Variants in SLC39A11 observed in about 807,000 individuals in gnomAD.
The protein encoded by SLC39A11 is solute carrier family 39 member 11, also known as zinc transporter ZIP11.
A neutral mutation model predicts 36.1 loss-of-function variants in SLC39A11; 33 were observed. The observed-to-expected ratio is 0.91, with a 90% CI of 0.69 to 1.22. SLC39A11 has a LOEUF of 1.22. SLC39A11 is among the 50% of genes most tolerant of loss of function. The pLI, the probability that SLC39A11 is intolerant of heterozygous loss-of-function variation, is 0.00. For synonymous variants in SLC39A11, 166 were observed against 170.3 expected, an observed-to-expected ratio of 0.97 and a Z score of 0.20; for missense variants, 432 against 430.3, an observed-to-expected ratio of 1.00 and a Z score of -0.03.
intron 3 of SLC39A11, chr17:73,068,356 A>G (rs1387515482): frequency 3.8e-6 from 2 of 523,846 alleles, no homozygotes; most frequent in African/African-American, 3.8e-5. Flanking sequence ...AATTATTCTC[A>G]GTCAAATCTA....
intron 3 of SLC39A11, among the ~76,000 whole-genome samples, chr17:73,046,332 A>G (rs748345466): frequency 6.6e-6 from 1 of 152,096 alleles, no homozygotes; most frequent in African/African-American, 2.4e-5. Context: ...ATTCTGTCCT[A>G]ATTCACCAGA....
intron 7 of SLC39A11, among the ~76,000 whole-genome samples, chr17:72,724,895 C>G (rs1455434868): frequency 6.6e-6 from 1 of 152,138 alleles, no homozygotes; most frequent in East Asian, 1.9e-4. Context: ...TTCCCAGTTG[C>G]AGTTGATGAA....
chr17:72,927,823 T>A (rs113918898), intron 5 of SLC39A11, among the ~76,000 whole-genome samples: 1 of 150,588 alleles, frequency 6.6e-6, no homozygotes, highest in Non-Finnish European at 1.5e-5. Flanking sequence ...CACACACACA[T>A]ACACACACAC....
At chr17:72,821,189 T>G (rs2077764668) in intron 6 of SLC39A11, among the ~76,000 whole-genome samples, 1 of 150,600 alleles carries the variant, frequency 6.6e-6, no homozygotes, top group South Asian at 2.1e-4. Context: ...TAGTCCATTA[T>G]TACCAAGGTC....
chr17:72,702,457 C>T (rs1040186449), intron 7 of SLC39A11, among the ~76,000 whole-genome samples: 2 of 152,140 alleles, frequency 1.3e-5, no homozygotes, highest in Admixed American at 6.5e-5. Context: ...GGGCACCCCC[C>T]GCCTACAACA....
chr17:72,762,422 C>A (rs954052276), intron 6 of SLC39A11, among the ~76,000 whole-genome samples: 1 of 152,132 alleles, frequency 6.6e-6, no homozygotes, highest in African/African-American at 2.4e-5. Context: ...AGGAAGTTAC[C>A]CTATATGGTC....
At chr17:72,975,693 C>T (rs904595530) in intron 4 of SLC39A11, among the ~76,000 whole-genome samples, 1 of 152,172 alleles carries the variant, frequency 6.6e-6, no homozygotes, top group Non-Finnish European at 1.5e-5. Flanking sequence ...TGGACTAAGA[C>T]AGTAGGGTAT....
intron 6 of SLC39A11, among the ~76,000 whole-genome samples, chr17:72,781,377 A>G (rs2076311598): frequency 6.6e-6 from 1 of 150,440 alleles, no homozygotes; most frequent in South Asian, 2.1e-4. Flanking sequence ...AAATGCTTTG[A>G]CATTTCCATC....
At chr17:73,042,012 TA>T (rs145959505) in intron 3 of SLC39A11, among the ~76,000 whole-genome samples, 256 of 150,782 alleles carry the variant, frequency 1.7e-3, no homozygotes, top group Middle Eastern at 6.8e-3. Context: ...TAGAATGATT[TA>T]AAAAAAAAAT....
chr17:72,662,340 G>T (rs1412731268), intron 7 of SLC39A11, among the ~76,000 whole-genome samples: 1 of 146,072 alleles, frequency 6.8e-6, no homozygotes, highest in Non-Finnish European at 1.5e-5. Context: ...AAGAGAGAGG[G>T]AGAGAGAGAA....
intron 4 of SLC39A11, among the ~76,000 whole-genome samples, chr17:72,951,629 A>C (rs1040751446): frequency 6.6e-6 from 1 of 152,164 alleles, no homozygotes; most frequent in Admixed American, 6.5e-5. Context: ...GATAATGCCA[A>C]AAGAAAAATA....
intron 4 of SLC39A11, among the ~76,000 whole-genome samples, chr17:72,955,891 T>C (rs1326397898): frequency 6.6e-6 from 1 of 152,112 alleles, no homozygotes. Flanking sequence ...TTCTAGCTAA[T>C]GCCAAAAAGC....
rs568199108 is a variant in SLC39A11 at position 72,855,656 on chromosome 17, G to A, written c.431-5852C>T. On this transcript the variant is annotated intron_variant, in intron 5 of 9. Transcript: ENST00000255559. ...TCACGCCTGTAATCACAGCACTTTG[G>A]GAGGCCGAGGTGGGCAGATCACAAG... 2.0e-5 allele frequency among the ~76,000 whole-genome samples: 3 copies of A among 152,280 alleles called. No homozygotes were observed. The East Asian group carries it at 5.8e-4, about 29-fold the overall frequency.
At chr17:72,826,707 G>C (rs1310489944) in intron 6 of SLC39A11, among the ~76,000 whole-genome samples, 1 of 152,064 alleles carries the variant, frequency 6.6e-6, no homozygotes, top group Non-Finnish European at 1.5e-5. Context: ...CTACTATTGT[G>C]GACACTTAAC....
intron 6 of SLC39A11, among the ~76,000 whole-genome samples, chr17:72,739,129 AT>A (rs10531579): frequency 0.065 from 9,316 of 143,558 alleles, 311 homozygotes; most frequent in African/African-American, 0.11. Context: ...AGAATTTCGG[AT>A]TTTTTTTTTT....
intron 3 of SLC39A11, among the ~76,000 whole-genome samples, chr17:73,066,374 G>C (rs1041379627): frequency 6.6e-5 from 10 of 152,152 alleles, no homozygotes; most frequent in Admixed American, 5.9e-4. Context: ...CCTAGAACCA[G>C]GGGAAATAAA....
At chr17:72,659,369 T>C (rs529016125) in intron 7 of SLC39A11, among the ~76,000 whole-genome samples, 1 of 152,134 alleles carries the variant, frequency 6.6e-6, no homozygotes, top group African/African-American at 2.4e-5. Context: ...CTGTGAAGGA[T>C]GGGGACAATT....
chr17:73,046,621 CTCTCTG>C (rs1568182678), intron 3 of SLC39A11, among the ~76,000 whole-genome samples: 2 of 152,276 alleles, frequency 1.3e-5, no homozygotes, highest in East Asian at 3.9e-4. Context: ...GTCATCTTCT[CTCTCTG>C]TCTCTGTCTC....
chr17:72,992,303 G>A (rs932675729), intron 4 of SLC39A11, among the ~76,000 whole-genome samples: 13 of 152,146 alleles, frequency 8.5e-5, no homozygotes, highest in Admixed American at 7.2e-4. Context: ...GCAGTGAGCC[G>A]AGATCACGCC....
Sources: allele counts gnomAD v4.1 joint callset (sites outside exome capture counted in the v4.1 genomes callset), GRCh38; gene constraint gnomAD v4.1.1; transcripts MANE v1.5; gene names NCBI Gene and HGNC (gene_info 2026-07-23, HGNC 2026-07-21).